The following RALGDS variants were observed in gnomAD, a reference collection of about 807,000 sequenced individuals.
The protein encoded by RALGDS is ral guanine nucleotide exchange factor.
A neutral mutation model predicts 99.8 loss-of-function variants in RALGDS; 44 were observed. The ratio of observed to expected loss-of-function variants is 0.44; its 90% CI spans 0.35 to 0.57. The LOEUF is 0.57. RALGDS is among the 20% of genes least tolerant of loss of function. RALGDS has a pLI of 0.01. For synonymous variants in RALGDS, 529 were observed against 505.0 expected (o/e 1.05, Z -0.64); for missense variants, 1,022 against 1,203.1 (o/e 0.85, Z 2.23).
chr9:133,120,889 G>T, intron 1 of RALGDS, 83 bp downstream of exon 1: 1 of 1,344,968 alleles, frequency 7.4e-7, no homozygotes, highest in South Asian at 1.6e-5. Context: ...GGCCCCGTCC[G>T]GGGCTCGCCC....
intron 1 of RALGDS, among the ~76,000 whole-genome samples, chr9:133,115,874 C>G (rs73558454): frequency 0.034 from 5,210 of 152,350 alleles, 289 homozygotes; most frequent in African/African-American, 0.11. Flanking sequence ...TTTCTGACTT[C>G]AGCTTTCCGC....
In RALGDS at chr9:133,120,986, G is replaced by C. The variant is rs1180544386; in HGVS notation, c.169C>G (p.Leu57Val). 1.3e-6 allele frequency: 2 copies of C among 1,486,526 alleles called. No individual in the cohort carries two copies. The highest frequency in any genetic ancestry group is 1.8e-6 in the Non-Finnish European group (2 of 1,124,704). The allele number at this position is 1,486,526 out of a possible 1,614,324, so 92.1% of individuals were successfully genotyped here. A position where few individuals can be genotyped will look rare whatever the true frequency, so the allele number is the denominator to read the frequency against. Residue 57 changes from leucine (L) to valine (V), a missense_variant, in exon 1 of 18, where the codon CTG becomes GTG. Leu to Val is a conservative substitution (Grantham distance 32). Around this residue, in one of 3 missense-constraint regions of RALGDS, gnomAD observed 180 missense variants for 169.3 expected, o/e 1.06. Coordinates refer to ENST00000372050, the MANE Select transcript of RALGDS (RefSeq NM_006266.4). ...AGCTCACCCACCTCCGGGCGCGGCA[G>C]GTCGGGGTCTAGCTGCGTGAAGCTG... is the stretch of plus-strand genomic sequence containing the variant. ...LHSFTQLDPD[L>V]PRPESSTQEI...
upstream of RALGDS, among the ~76,000 whole-genome samples, chr9:133,133,469 C>T (rs554241035): frequency 5.1e-4 from 77 of 152,324 alleles, no homozygotes; most frequent in African/African-American, 1.7e-3. Context: ...GGTCTTTGTT[C>T]CCTGCTGGCC....
chr9:133,103,345 G>A, intron 11 of RALGDS, 83 bp from the exon 12 acceptor site: 1 of 1,562,310 alleles, frequency 6.4e-7, no homozygotes, highest in South Asian at 1.1e-5. Flanking sequence ...ACTATCAAGA[G>A]TGCCCACCAG....
intron 1 of RALGDS, among the ~76,000 whole-genome samples, chr9:133,113,859 G>A (rs567619919): frequency 8.6e-4 from 131 of 152,310 alleles, no homozygotes; most frequent in Non-Finnish European, 1.6e-3. Context: ...CCAAGTCACC[G>A]GCAGTGGCTC....
At chr9:133,127,732 G>A (rs1010210704) in intron 1 of RALGDS, among the ~76,000 whole-genome samples, 6 of 152,204 alleles carry the variant, frequency 3.9e-5, no homozygotes, top group East Asian at 3.8e-4. Context: ...TCCTTCTGCC[G>A]CCAGGATGCA....
chr9:133,142,319 T>C (rs927962365), intron 1 of RALGDS, among the ~76,000 whole-genome samples: 9 of 152,242 alleles, frequency 5.9e-5, no homozygotes, highest in Middle Eastern at 3.4e-3. Flanking sequence ...GGTCTCTGCA[T>C]TTTCTCTTTC....
intron 1 of RALGDS, among the ~76,000 whole-genome samples, chr9:133,129,944 A>G (rs1403397410): frequency 1.3e-5 from 2 of 149,280 alleles, no homozygotes; most frequent in African/African-American, 5.0e-5. Context: ...CCTCCCAGGT[A>G]TCTGGGATTA....
chr9:133,102,291 AC>A, intron 14 of RALGDS, 152 bp from the exon 15 acceptor site: 1 of 1,086,664 alleles, frequency 9.2e-7, no homozygotes, highest in Non-Finnish European at 1.3e-6. Flanking sequence ...ATTTAGTATC[AC>A]CCCATTTCAC....
At chr9:133,132,201 G>A (rs932313078), upstream of RALGDS, among the ~76,000 whole-genome samples, 1 of 152,262 alleles carries the variant, frequency 6.6e-6, no homozygotes, top group African/African-American at 2.4e-5. Flanking sequence ...GTACTGCAAG[G>A]CAGGCCCGGT....
At chr9:133,105,707 A>G (rs553114099) in intron 9 of RALGDS, among the ~76,000 whole-genome samples, 103 of 152,184 alleles carry the variant, frequency 6.8e-4, no homozygotes, top group African/African-American at 2.4e-3. Flanking sequence ...ACTGTGTCCA[A>G]TTAACTGGGG....
intron 1 of RALGDS, among the ~76,000 whole-genome samples, chr9:133,148,547 GGTGT>G (rs1308875116): frequency 1.3e-5 from 2 of 152,202 alleles, no homozygotes; most frequent in African/African-American, 4.8e-5. Context: ...GGAAGTGTGT[GGTGT>G]GTGTGTCTGC....
upstream of RALGDS, among the ~76,000 whole-genome samples, chr9:133,133,189 C>T (rs1165106059): frequency 1.3e-5 from 2 of 152,276 alleles, no homozygotes; most frequent in African/African-American, 4.8e-5. Context: ...ACAGGTCAGC[C>T]TGGCCTCAGG....
intron 1 of RALGDS, among the ~76,000 whole-genome samples, chr9:133,140,115 AG>A (rs1382632307): frequency 2.7e-5 from 2 of 73,974 alleles, no homozygotes; most frequent in African/African-American, 1.0e-4. Context: ...ATAGCCCAGC[AG>A]GGGTGGGGTG....
At chr9:133,141,814 C>T (rs1005779861) in intron 1 of RALGDS, among the ~76,000 whole-genome samples, 3 of 152,226 alleles carry the variant, frequency 2.0e-5, no homozygotes, top group Admixed American at 1.3e-4. Flanking sequence ...CTGAGGCCAG[C>T]GAGAAGGGAC....
At chr9:133,147,978 A>G (rs1832653095) in intron 1 of RALGDS, among the ~76,000 whole-genome samples, 1 of 152,144 alleles carries the variant, frequency 6.6e-6, no homozygotes, top group African/African-American at 2.4e-5. Flanking sequence ...AGGCTCCAAC[A>G]AGGACAGTCT....
At chr9:133,120,897 C>G (rs1299596368) in intron 1 of RALGDS, 75 bp downstream of exon 1, 2 of 1,377,706 alleles carry the variant, frequency 1.5e-6, no homozygotes, top group Non-Finnish European at 1.9e-6. Flanking sequence ...CCGGGGCTCG[C>G]CCCGACCTGC....
At chr9:133,132,934 G>T (rs1431100071), upstream of RALGDS, among the ~76,000 whole-genome samples, 1 of 152,182 alleles carries the variant, frequency 6.6e-6, no homozygotes, top group Non-Finnish European at 1.5e-5. Flanking sequence ...ACCGTGCCTG[G>T]CCAGAAGCGC....
chr9:133,126,947 T>G (rs1588561311), intron 1 of RALGDS, among the ~76,000 whole-genome samples: 1 of 152,138 alleles, frequency 6.6e-6, no homozygotes. Flanking sequence ...CCGCGGCCAG[T>G]GGGGTCTTGA....
Sources: allele counts gnomAD v4.1 joint callset (sites outside exome capture counted in the v4.1 genomes callset), GRCh38; gene constraint gnomAD v4.1.1; regional missense constraint gnomAD v4.1.1; transcripts MANE v1.5; gene names NCBI Gene and HGNC (gene_info 2026-07-23, HGNC 2026-07-21).